DNAH1: variants seen among roughly 807,000 people sequenced by gnomAD.
DNAH1 encodes the protein dynein axonemal heavy chain 1.
In DNAH1, 327 loss-of-function variants were observed where a neutral mutation model predicts 484.3. The ratio of observed to expected loss-of-function variants is 0.68; its 90% CI spans 0.62 to 0.74. The LOEUF (loss-of-function observed/expected upper bound fraction) is 0.74, where lower values mean the gene tolerates loss of function less well. Ranked by LOEUF, DNAH1 falls within the 30% of genes least tolerant of loss-of-function variation. The pLI is 0.00. For synonymous variants in DNAH1, 2,192 were observed against 2,191.9 expected (o/e 1.00, Z 0.00); for missense variants, 5,052 against 5,546.8 (o/e 0.91, Z 2.83).
In DNAH1 at chr3:52,353,327, C is replaced by T. The variant is rs1318619922; in HGVS notation, c.3226+26C>T. ...GTAGGGAGCCAAGCCGGCCAATCCC[C>T]TCCTCCCTGCCTCTGCCGCCTGCCT... is the stretch of plus-strand genomic sequence containing the variant. On this transcript the variant is annotated intron_variant, in intron 19 of 77. Coordinates refer to ENST00000420323, the MANE Select transcript of DNAH1 (RefSeq NM_015512.5). The surrounding 1 kb of genome is among the most constrained non-coding windows in gnomAD (Gnocchi z 5.0). The T allele has an allele frequency of 2.5e-6, 4 of 1,608,954 alleles. No individual in the cohort carries two copies. The highest frequency in any genetic ancestry group is 4.5e-5 in the East Asian group (2 of 44,798).
chr3:52,353,670 G>A lies in DNAH1; in HGVS notation c.3480+37G>A, dbSNP rs1212783131. On this transcript the variant is annotated intron_variant, in intron 20 of 77. Coordinates refer to ENST00000420323, the MANE Select transcript of DNAH1 (RefSeq NM_015512.5). This position sits in a 1 kb window ranked among gnomAD's most constrained non-coding sequence, Gnocchi z 5.0. ...CCAGCGGGCCCAGCCACTCCAGCCA[G>A]GCCCTGCCGGACAGCCTGACCTCCT... The A allele has an allele frequency of 1.9e-6, 3 of 1,557,624 alleles. No individual in the cohort carries two copies. The highest frequency in any genetic ancestry group is 1.7e-6 in the Non-Finnish European group (2 of 1,152,908).
chr3:52,329,320 T>C (rs1004198661), intron 6 of DNAH1, among the ~76,000 whole-genome samples: 19 of 152,068 alleles, frequency 1.2e-4, no homozygotes, highest in Non-Finnish European at 2.9e-5. Context: ...TGACATCTTT[T>C]CATCTGAGTT....
chr3:52,386,232 A>T lies in DNAH1; in HGVS notation c.8698A>T (p.Lys2900Ter), dbSNP rs1704103483. The change falls in exon 55 of 78, where the codon AAG (lysine) becomes TAG (stop). Residue 2900 changes from lysine (K) to a stop codon, truncating the protein, a stop_gained. Coordinates refer to ENST00000420323, the MANE Select transcript of DNAH1 (RefSeq NM_015512.5). LOFTEE classifies it high-confidence loss of function. ...TEEIKANEKA[K>*]KAQAIADDAQ... ...GGAGATCAAAGCCAATGAGAAGGCC[A>T]AGAAGGCACAAGCTATTGCTGACGA... 1.2e-6 allele frequency: 2 copies of T among 1,613,620 alleles called. No individual in the cohort carries two copies. The highest frequency in any genetic ancestry group is 1.7e-6 in the Non-Finnish European group (2 of 1,179,820).
rs772252289 is a variant in DNAH1 at position 52,385,424 on chromosome 3, A to G, written c.8602A>G (p.Met2868Val). Residue 2868 changes from methionine (M) to valine (V), a missense_variant, in exon 54 of 78, where the codon ATG becomes GTG. Coordinates refer to ENST00000420323, the MANE Select transcript of DNAH1 (RefSeq NM_015512.5). ...PLLEEAAKDT[M>V]LTMEQIKVDT... ...GCTGGAGGAGGCTGCCAAGGACACCATGCTCACCATGGAGCAGATCAAGGT... is the reference window on the plus strand; with the variant it reads ...GCTGGAGGAGGCTGCCAAGGACACCGTGCTCACCATGGAGCAGATCAAGGT... 1.3e-6 allele frequency: 2 copies of G among 1,552,050 alleles called. No individual in the cohort carries two copies. Among genetic ancestry groups the G allele is most frequent in the Admixed American group, 2.0e-5 (1 of 51,040 alleles).
At chr3:52,380,409 G>T (rs1370171653) in intron 48 of DNAH1, among the ~76,000 whole-genome samples, 1 of 152,060 alleles carries the variant, frequency 6.6e-6, no homozygotes, top group Non-Finnish European at 1.5e-5. Flanking sequence ...GGGGCCGGGG[G>T]CGGGGCCTGG....
In DNAH1 at chr3:52,354,974, C is replaced by T. The variant is rs1702548674; in HGVS notation, c.3612C>T (p.Thr1204=). The T allele has an allele frequency of 6.2e-7, 1 of 1,614,004 alleles. No individual in the cohort carries two copies. Among genetic ancestry groups the T allele is most frequent in the Non-Finnish European group, 8.5e-7 (1 of 1,179,898 alleles). Residue 1204 remains threonine (T), a synonymous_variant, in exon 21 of 78, where the codon ACC becomes ACT. Transcript: ENST00000420323. ...TGCTGGACGACCACATCGTCATGACCCAGAATATGTCATTTTCACCCTACA... is the reference window on the plus strand; with the variant it reads ...TGCTGGACGACCACATCGTCATGACTCAGAATATGTCATTTTCACCCTACA... ...SQLLDDHIVM[T]QNMSFSPYKK... is the part of the protein sequence containing the mutation.
intron 12 of DNAH1, among the ~76,000 whole-genome samples, chr3:52,348,269 T>C (rs1309931849): frequency 6.6e-6 from 1 of 152,198 alleles, no homozygotes; most frequent in African/African-American, 2.4e-5. Flanking sequence ...ATAGTTAGCC[T>C]AAGATTGCAT....
chr3:52,353,072 C>T lies in DNAH1; in HGVS notation c.3028-31C>T. On this transcript the variant is annotated intron_variant, in intron 18 of 77. Transcript: ENST00000420323. The surrounding 1 kb of genome is among the most constrained non-coding windows in gnomAD (Gnocchi z 5.0). ...AGAGAGACTGGGAAGTGTCCCAAGA[C>T]AGCCCCAGCCCTGCCCTCCTGTCCC... 1.3e-6 allele frequency: 2 copies of T among 1,588,962 alleles called. No individual in the cohort carries two copies. Among genetic ancestry groups the T allele is most frequent in the Non-Finnish European group, 1.7e-6 (2 of 1,165,820 alleles).
chr3:52,360,510 C>A, intron 28 of DNAH1, 86 bp downstream of exon 28: 1 of 1,101,756 alleles, frequency 9.1e-7, no homozygotes, highest in South Asian at 1.4e-5. Flanking sequence ...CATGGCCACT[C>A]TGGGGTGATC....
intron 15 of DNAH1, among the ~76,000 whole-genome samples, 172 bp from the exon 16 acceptor site, chr3:52,350,336 G>A (rs187224889): frequency 7.7e-4 from 117 of 152,230 alleles, no homozygotes; most frequent in African/African-American, 2.6e-3. Context: ...ATGGCTCTAG[G>A]AGCCCTGAGC....
Position 52,357,917 on chromosome 3 carries a change from G to A in DNAH1, c.4000G>A (p.Asp1334Asn). Residue 1334 changes from aspartate to asparagine, a missense_variant, in exon 24 of 78, where the codon GAT becomes AAT. By Grantham distance (23) the Asp-to-Asn change is conservative. This residue lies in a region of DNAH1 where 2,929 missense variants were observed against 3,409.4 expected (regional missense o/e 0.86). Transcript: ENST00000420323. ...TGGCAGATTCTACTTCCTGTCAGAT[G>A]ATGAACTACTAGAGATCTTGTCGCA... ...AFPRFYFLSD[D>N]ELLEILSQTK... 1.2e-6 allele frequency: 2 copies of A among 1,613,054 alleles called. No individual in the cohort carries two copies. The highest frequency in any genetic ancestry group is 8.5e-7 in the Non-Finnish European group (1 of 1,179,648).
Position 52,388,901 on chromosome 3 carries a change from G to T in DNAH1, c.9459G>T (p.Val3153=), listed in dbSNP as rs1704242508. The T allele has an allele frequency of 1.9e-6, 3 of 1,611,984 alleles. No individual in the cohort carries two copies. The highest frequency in any genetic ancestry group is 2.7e-5 in the African/African-American group (2 of 75,032). ...ACAACATCTCCGGCGATGTCCTGGT[G>T]GCCGCTGGCTTTGTGGCCTACCTGG... The part of the protein sequence containing the change: ...MLNNISGDVL[V]AAGFVAYLGP... Residue 3153 remains valine (V), a synonymous_variant, in exon 59 of 78, where the codon GTG becomes GTT. Transcript: ENST00000420323.
At chr3:52,320,512 C>T (rs1269815917) in intron 1 of DNAH1, among the ~76,000 whole-genome samples, 4 of 152,256 alleles carry the variant, frequency 2.6e-5, no homozygotes. Flanking sequence ...GACTCAGCTG[C>T]TGCATGCTGC....
intron 46 of DNAH1, among the ~76,000 whole-genome samples, chr3:52,378,232 C>CATG (rs1405658939): frequency 6.6e-6 from 1 of 151,928 alleles, no homozygotes; most frequent in Non-Finnish European, 1.5e-5. Context: ...CTACGTGGAT[C>CATG]ATGAGACCCT....
chr3:52,367,578 C>CT (rs34594699), intron 36 of DNAH1, among the ~76,000 whole-genome samples: 224 of 145,084 alleles, frequency 1.5e-3, no homozygotes, highest in Middle Eastern at 3.6e-3. Flanking sequence ...TTCAATGATC[C>CT]TTTTTTTTTT....
In DNAH1 at chr3:52,396,725, G is replaced by A. The variant is rs765213231; in HGVS notation, c.11538G>A (p.Thr3846=). ...PLGFNIPYEF[T]DGDLRICISQ... ...GCTTCAACATCCCCTATGAGTTCAC[G>A]GATGGAGATCTGCGCATCTGCATCA... The change falls in exon 72 of 78, where the codon ACG becomes ACA. Residue 3846 remains threonine, a synonymous_variant. Transcript: ENST00000420323. 1.4e-5 allele frequency: 22 copies of A among 1,613,648 alleles called. No homozygotes were observed. Among genetic ancestry groups the A allele is most frequent in the African/African-American group, 1.1e-4 (8 of 74,886 alleles).
intron 20 of DNAH1, among the ~76,000 whole-genome samples, chr3:52,354,110 G>A (rs550734368): frequency 9.9e-5 from 15 of 151,472 alleles, no homozygotes; most frequent in Non-Finnish European, 2.1e-4. Context: ...TGCAGTGAGC[G>A]GTGATTATGC....
rs1379992284 is a variant in DNAH1, at chr3:52,353,441, A to G, written c.3288A>G (p.Pro1096=). 1.2e-6 allele frequency: 2 copies of G among 1,613,776 alleles called. No individual in the cohort carries two copies. Among genetic ancestry groups the G allele is most frequent in the Non-Finnish European group, 1.7e-6 (2 of 1,179,900 alleles). Residue 1096 remains proline, a synonymous_variant, in exon 20 of 78, where the codon CCA becomes CCG. Coordinates refer to ENST00000420323, the MANE Select transcript of DNAH1 (RefSeq NM_015512.5). This position sits in a 1 kb window ranked among gnomAD's most constrained non-coding sequence, Gnocchi z 5.0. ...ARIEEFKPYI[P]LIQGLRNPGM... ...TCGAGGAGTTCAAACCATACATCCCACTGATCCAGGGGCTGCGCAACCCTG... is the reference window on the plus strand; with the variant it reads ...TCGAGGAGTTCAAACCATACATCCCGCTGATCCAGGGGCTGCGCAACCCTG...
intron 64 of DNAH1, 23 bp from the exon 65 acceptor site, chr3:52,392,807 C>T (rs770143088): frequency 1.6e-5 from 9 of 556,328 alleles, no homozygotes; most frequent in Non-Finnish European, 3.0e-5. Context: ...TTTGACCCCT[C>T]CCCCCACCCA....
Sources: gnomAD v4.1 joint callset for allele counts (sites outside exome capture counted in the v4.1 genomes callset) on GRCh38, gnomAD v4.1.1 for gene constraint, gnomAD v4.1.1 regional missense constraint, Gnocchi (gnomAD v3.1) non-coding constraint, MANE v1.5 for transcripts, NCBI Gene and HGNC (gene_info 2026-07-23, HGNC 2026-07-21) for gene names.